The following MARK1 variants were observed in gnomAD, a reference collection of about 807,000 sequenced individuals.
MARK1 encodes the protein microtubule affinity regulating kinase 1, also known as serine/threonine-protein kinase MARK1.
In MARK1, 40 loss-of-function variants were observed where a neutral mutation model predicts 96.3. That is an observed-to-expected ratio of 0.42 (90% CI 0.32 to 0.54). MARK1 has a LOEUF of 0.54. Among genes scored for constraint, MARK1 ranks in the 20% least tolerant of loss-of-function variants. MARK1 has a pLI of 0.16. For missense variants in MARK1, 719 were observed against 984.6 expected, an observed-to-expected ratio of 0.73 and a Z score of 3.61; for synonymous variants, 317 against 341.2, an observed-to-expected ratio of 0.93 and a Z score of 0.78.
intron 3 of MARK1, among the ~76,000 whole-genome samples, chr1:220,587,052 T>A (rs1664669434): frequency 6.6e-6 from 1 of 152,166 alleles, no homozygotes; most frequent in Non-Finnish European, 1.5e-5. Flanking sequence ...TTGGTTCCAG[T>A]CTTGTCTTTC....
At chr1:220,636,901 TAAA>T (rs78112733) in intron 13 of MARK1, among the ~76,000 whole-genome samples, 5 of 133,624 alleles carry the variant, frequency 3.7e-5, no homozygotes, top group South Asian at 2.4e-4. Flanking sequence ...AGACTCCGTT[TAAA>T]AAAAAAAAAA....
chr1:220,599,392 C>T (rs1665591830), intron 4 of MARK1, among the ~76,000 whole-genome samples: 1 of 151,968 alleles, frequency 6.6e-6, no homozygotes, highest in Non-Finnish European at 1.5e-5. Flanking sequence ...CATAATATCA[C>T]AGAAATACAG....
At chr1:220,588,947 C>G (rs956111264) in intron 3 of MARK1, among the ~76,000 whole-genome samples, 1 of 152,126 alleles carries the variant, frequency 6.6e-6, no homozygotes, top group African/African-American at 2.4e-5. Context: ...CAAATCAGAG[C>G]AAAATCCTTG....
intron 2 of MARK1, among the ~76,000 whole-genome samples, chr1:220,580,072 C>CAT (rs987400500): frequency 1.3e-5 from 2 of 152,036 alleles, no homozygotes; most frequent in African/African-American, 4.8e-5. Flanking sequence ...TATATTTGCA[C>CAT]ATATGTACGT....
rs924726311 is a variant in MARK1 at position 220,537,436 on chromosome 1, C to G, written c.51+8563C>G. ...ATGAACTCATCATTTTTTATGGCTG[C>G]ATAGTATTCCATGGTGTATATGTGC... On this transcript the variant is annotated intron_variant, in intron 1 of 17. Coordinates refer to ENST00000366917, the MANE Select transcript of MARK1 (RefSeq NM_018650.5). 1.7e-4 allele frequency among the ~76,000 whole-genome samples: 26 copies of G among 151,762 alleles called. No homozygotes were observed. In the East Asian group the frequency reaches 3.7e-3, roughly 22 times the overall value.
At chr1:220,592,903 T>C (rs987655613) in intron 3 of MARK1, among the ~76,000 whole-genome samples, 4 of 152,316 alleles carry the variant, frequency 2.6e-5, no homozygotes, top group African/African-American at 7.2e-5. Flanking sequence ...ATGTCTGATA[T>C]ACTGAAATGC....
At chr1:220,556,675 T>C (rs1317851389) in intron 1 of MARK1, among the ~76,000 whole-genome samples, 1 of 151,956 alleles carries the variant, frequency 6.6e-6, no homozygotes, top group African/African-American at 2.4e-5. Context: ...ATAAATACCA[T>C]AATAAAAGAA....
chr1:220,569,285 A>G (rs923620264), intron 1 of MARK1, among the ~76,000 whole-genome samples: 1 of 152,104 alleles, frequency 6.6e-6, no homozygotes, highest in African/African-American at 2.4e-5. Flanking sequence ...TTCCTGCCAT[A>G]TGTTACAAAT....
chr1:220,621,326 A>G (rs1667042193), intron 9 of MARK1, among the ~76,000 whole-genome samples: 1 of 152,004 alleles, frequency 6.6e-6, no homozygotes, highest in African/African-American at 2.4e-5. Context: ...TTTGGGATAT[A>G]TGTTTAGATA....
At chr1:220,545,499 T>A (rs1435104860) in intron 1 of MARK1, among the ~76,000 whole-genome samples, 2 of 138,696 alleles carry the variant, frequency 1.4e-5, no homozygotes, top group African/African-American at 5.3e-5. Context: ...TGCAGTAGCG[T>A]GATCACAGCT....
intron 1 of MARK1, among the ~76,000 whole-genome samples, chr1:220,538,570 A>G (rs1221092761): frequency 6.6e-6 from 1 of 152,042 alleles, no homozygotes; most frequent in Non-Finnish European, 1.5e-5. Context: ...TTTTGGTTCC[A>G]TATGAACTTT....
chr1:220,652,970 CA>C (rs1668962695), intron 15 of MARK1, 130 bp from the exon 16 acceptor site: 7 of 998,708 alleles, frequency 7.0e-6, no homozygotes, highest in Non-Finnish European at 5.8e-6. Flanking sequence ...ACCCATGTCT[CA>C]CATCTCTAAT....
rs1361092 is a variant in MARK1, at chr1:220,544,120, G to C, written c.51+15247G>C. On this transcript the variant is annotated intron_variant, in intron 1 of 17. Transcript: ENST00000366917. Reference sequence around the variant, plus strand: ...ATGTGGTTGTTATAGGTGTGAGATAGAAGAAAGGGTTTAAAGAGGAATTTC... The same window carrying C: ...ATGTGGTTGTTATAGGTGTGAGATACAAGAAAGGGTTTAAAGAGGAATTTC... 1.3e-4 allele frequency among the ~76,000 whole-genome samples: 20 copies of C among 152,212 alleles called. No individual in the cohort carries two copies. The East Asian group carries it at 3.9e-3, about 29-fold the overall frequency.
chr1:220,623,443 T>G lies in MARK1; in HGVS notation c.909+4688T>G, dbSNP rs191739942. 9.8e-5 allele frequency among the ~76,000 whole-genome samples: 15 copies of G among 152,316 alleles called. No individual in the cohort carries two copies. In the East Asian group the frequency reaches 2.9e-3, roughly 29 times the overall value. On this transcript the variant is annotated intron_variant, in intron 9 of 17. Transcript: ENST00000366917. The stretch of plus-strand genomic sequence containing the variant: ...GAGTTAAACCCCCACATCTTCCCTT[T>G]CTTAAGGAGATCTTCTTTCCAACCT...
At chr1:220,595,010 A>G (rs1665237824) in intron 3 of MARK1, among the ~76,000 whole-genome samples, 1 of 152,174 alleles carries the variant, frequency 6.6e-6, no homozygotes, top group Non-Finnish European at 1.5e-5. Flanking sequence ...GTGAACTTCC[A>G]GTGATAATGA....
intron 3 of MARK1, among the ~76,000 whole-genome samples, chr1:220,589,988 C>T (rs887979504): frequency 6.6e-6 from 1 of 152,192 alleles, no homozygotes; most frequent in Non-Finnish European, 1.5e-5. Flanking sequence ...TCTCCACTGA[C>T]CCAAAGAAGT....
intron 17 of MARK1, among the ~76,000 whole-genome samples, chr1:220,661,045 G>A (rs145148888): frequency 3.3e-4 from 51 of 152,332 alleles, no homozygotes; most frequent in African/African-American, 1.1e-3. Flanking sequence ...AGGAGTTAGC[G>A]TCGCAGCCAT....
chr1:220,660,097 C>G (rs1391779509), intron 17 of MARK1, among the ~76,000 whole-genome samples: 1 of 152,100 alleles, frequency 6.6e-6, no homozygotes, highest in East Asian at 1.9e-4. Flanking sequence ...TTAAGTTTTC[C>G]AGCCATCAGT....
At chr1:220,580,593 A>G (rs1382341639) in intron 2 of MARK1, among the ~76,000 whole-genome samples, 1 of 152,206 alleles carries the variant, frequency 6.6e-6, no homozygotes, top group Non-Finnish European at 1.5e-5. Flanking sequence ...TGACCCCAGG[A>G]GCCATTCAGA....
Sources: gnomAD v4.1 joint callset for allele counts (sites outside exome capture counted in the v4.1 genomes callset) on GRCh38, gnomAD v4.1.1 for gene constraint, MANE v1.5 for transcripts, NCBI Gene and HGNC (gene_info 2026-07-23, HGNC 2026-07-21) for gene names.